The following TMEM254 variants were observed in gnomAD, a reference collection of about 807,000 sequenced individuals.
The protein encoded by TMEM254 is transmembrane protein 254.
In TMEM254, 16 loss-of-function variants were observed where a neutral mutation model predicts 13.9. The observed-to-expected ratio is 1.15, with a 90% CI of 0.78 to 1.75. TMEM254 has a LOEUF of 1.75. Among genes scored for constraint, TMEM254 ranks in the 40% most tolerant of loss-of-function variants. TMEM254 has a pLI of 0.00. For synonymous variants in TMEM254, 61 were observed against 56.4 expected (o/e 1.08, Z -0.36); for missense variants, 155 against 149.0 (o/e 1.04, Z -0.21).
intron 1 of TMEM254, among the ~76,000 whole-genome samples, chr10:80,080,229 C>T (rs1249226191): frequency 6.6e-6 from 1 of 152,154 alleles, no homozygotes; most frequent in Non-Finnish European, 1.5e-5. Flanking sequence ...TGGGAGGATG[C>T]AGTGATATTT....
At chr10:80,082,689 A>T (rs1043761440) in intron 3 of TMEM254, among the ~76,000 whole-genome samples, 1 of 152,232 alleles carries the variant, frequency 6.6e-6, no homozygotes, top group Admixed American at 6.5e-5. Context: ...AAAGCTCCAC[A>T]GATAATTCTA....
At position 80,090,794 on chromosome 10, in the gene TMEM254, TAGGCATAA is replaced by T. The variant is rs779674873; in HGVS notation, c.256_263del (p.Lys86HisfsTer57). 2.7e-5 allele frequency: 43 copies of T among 1,608,960 alleles called. No homozygotes were observed. In the South Asian group the frequency reaches 4.6e-4, roughly 17 times the overall value. On this transcript the variant is annotated splice_acceptor_variant and coding_sequence_variant, in exon 4 of 4. Transcript: ENST00000372281. LOFTEE classifies it high-confidence loss of function. ...TGTTTAAATTTTGTTTTTTCTGTTT[TAGGCATAA>T]AGGCATCACAAGTGGTCGGGCTCAG...
chr10:80,079,117 C>T (rs1843810115), intron 1 of TMEM254: 1 of 1,356,656 alleles, frequency 7.4e-7, no homozygotes, highest in African/African-American at 1.5e-5. Context: ...AATGCGGCTA[C>T]CGCCTATTTC....
intron 3 of TMEM254, among the ~76,000 whole-genome samples, chr10:80,087,934 CAATGT>C (rs143389465): frequency 0.1 from 15,581 of 152,046 alleles, 948 homozygotes; most frequent in South Asian, 0.21. Context: ...AGAAGTTTAT[CAATGT>C]AGTCAGTTTT....
At chr10:80,079,407 C>A in intron 1 of TMEM254, 1 of 1,082,922 alleles carries the variant, frequency 9.2e-7, no homozygotes, top group Non-Finnish European at 1.1e-6. Flanking sequence ...GTTATCCGAG[C>A]CTAAGCCTCT....
chr10:80,083,430 G>A (rs1027212932), intron 3 of TMEM254, among the ~76,000 whole-genome samples: 25 of 152,116 alleles, frequency 1.6e-4, no homozygotes, highest in African/African-American at 5.8e-4. Context: ...CTATGAAGAG[G>A]AGCAGAAAGT....
Position 80,087,285 on chromosome 10 carries a change from G to T in TMEM254, c.252-3512G>T, listed in dbSNP as rs183535462. 9.7e-4 allele frequency among the ~76,000 whole-genome samples: 147 copies of T among 152,156 alleles called. 1 individual carries two copies. The highest frequency in any genetic ancestry group is 3.4e-3 in the African/African-American group (143 of 41,496). ...CAGTGAACATTAATTTCTTGCATTT[G>T]TCCCACTTTGGTATTTGTTCCCTTA... is the stretch of plus-strand genomic sequence containing the variant. On this transcript the variant is annotated intron_variant, in intron 3 of 3. Transcript: ENST00000372281.
rs562573268 is a variant in TMEM254, at chr10:80,083,947, T to C, written c.251+1743T>C. On this transcript the variant is annotated intron_variant, in intron 3 of 3. Coordinates refer to ENST00000372281, the MANE Select transcript of TMEM254 (RefSeq NM_025125.4). The stretch of plus-strand genomic sequence containing the variant: ...CAAAAAATACTAAAAAAGCCAGGCA[T>C]GGTGGTGCGTGCCTGCAGTCCCAGC... 9.6e-4 allele frequency among the ~76,000 whole-genome samples: 146 copies of C among 151,894 alleles called. 1 individual carries two copies. The highest frequency in any genetic ancestry group is 3.4e-3 in the African/African-American group (142 of 41,432).
chr10:80,089,500 G>T (rs1000074625), intron 3 of TMEM254, among the ~76,000 whole-genome samples: 2 of 151,954 alleles, frequency 1.3e-5, no homozygotes, highest in African/African-American at 2.4e-5. Context: ...GCAAGACACT[G>T]TCTCTACAAA....
chr10:80,087,368 T>C (rs1932576), intron 3 of TMEM254, among the ~76,000 whole-genome samples: 97,843 of 151,750 alleles, frequency 0.64, 31,673 homozygotes, highest in South Asian at 0.76. Context: ...TTTGGCTGGG[T>C]GTGGTGGCTC....
Position 80,089,683 on chromosome 10 carries a change from G to GT in TMEM254, c.252-1114_252-1113insT, listed in dbSNP as rs201952824. ...ACAGAGTGAGACCCCATCTCTGGGG[G>GT]GGTTGGAAAAAGAATGGATGTTGAA... On this transcript the variant is annotated intron_variant, in intron 3 of 3. Coordinates refer to ENST00000372281, the MANE Select transcript of TMEM254 (RefSeq NM_025125.4). 7.6e-3 allele frequency among the ~76,000 whole-genome samples: 1,154 copies of GT among 151,578 alleles called. 15 individuals carry two copies. Among genetic ancestry groups the GT allele is most frequent in the African/African-American group, 0.026 (1,092 of 41,332 alleles).
At chr10:80,087,398 T>A in intron 3 of TMEM254, among the ~76,000 whole-genome samples, 1 of 151,992 alleles carries the variant, frequency 6.6e-6, no homozygotes, top group East Asian at 1.9e-4. Flanking sequence ...ATTCCAGCAC[T>A]TTGAGAGGCT....
chr10:80,078,690 T>G lies in TMEM254; in HGVS notation c.-10T>G. On this transcript the variant is annotated 5_prime_UTR_variant, in exon 1 of 4. Coordinates refer to ENST00000372281, the MANE Select transcript of TMEM254 (RefSeq NM_025125.4). ...GTCCTGAAGCGCGCTCCCGGGGAGG[T>G]GTTGCAGCCATGGCTACGGCAGCCG... The G allele has an allele frequency of 2.5e-6, 4 of 1,590,396 alleles. No individual in the cohort carries two copies. Among genetic ancestry groups the G allele is most frequent in the African/African-American group, 1.3e-5 (1 of 74,094 alleles).
intron 3 of TMEM254, chr10:80,086,258 G>T: frequency 6.8e-7 from 1 of 1,474,094 alleles, no homozygotes; most frequent in Non-Finnish European, 9.0e-7. Context: ...TACGGATAAA[G>T]GTATGTGAAT....
Position 80,091,475 on chromosome 10 carries a change from G to A in TMEM254, c.*558G>A, listed in dbSNP as rs1206456659. 1.3e-5 allele frequency: 2 copies of A among 152,380 alleles called. No individual in the cohort carries two copies. The highest frequency in any genetic ancestry group is 4.8e-5 in the African/African-American group (2 of 41,444). The allele number at this position is 152,380 out of a possible 1,614,324, so 9.4% of individuals were successfully genotyped here. A position where few individuals can be genotyped will look rare whatever the true frequency, so the allele number is the denominator to read the frequency against. On this transcript the variant is annotated 3_prime_UTR_variant, in exon 4 of 4. Transcript: ENST00000372281. Reference sequence around the variant, plus strand: ...AGAAAGATAAGGAAGATGAGCAAGTGCCTGGAATGGGGCAGGCTGAGCAGT... The same window carrying A: ...AGAAAGATAAGGAAGATGAGCAAGTACCTGGAATGGGGCAGGCTGAGCAGT...
chr10:80,078,904 CCG>C, intron 1 of TMEM254, 118 bp downstream of exon 1: 1 of 1,525,502 alleles, frequency 6.6e-7, no homozygotes, highest in South Asian at 1.2e-5. Flanking sequence ...ATCCCGACTC[CCG>C]CGCGCTAGGA....
At chr10:80,083,723 C>T (rs1231848257) in intron 3 of TMEM254, among the ~76,000 whole-genome samples, 2 of 152,066 alleles carry the variant, frequency 1.3e-5, no homozygotes, top group Admixed American at 6.6e-5. Flanking sequence ...CACTAATAAT[C>T]GCTGCTTGTG....
At chr10:80,084,206 T>C (rs1374652419) in intron 3 of TMEM254, among the ~76,000 whole-genome samples, 5 of 152,192 alleles carry the variant, frequency 3.3e-5, no homozygotes, top group Admixed American at 2.0e-4. Flanking sequence ...TGTGGTAGAT[T>C]TTTGAGACAC....
intron 3 of TMEM254, among the ~76,000 whole-genome samples, chr10:80,088,734 C>T (rs1217368693): frequency 6.8e-6 from 1 of 147,172 alleles, no homozygotes; most frequent in Non-Finnish European, 1.5e-5. Flanking sequence ...TGCCACTGCA[C>T]TCCAGCCTGG....
Sources: gnomAD v4.1 joint callset for allele counts (sites outside exome capture counted in the v4.1 genomes callset) on GRCh38, gnomAD v4.1.1 for gene constraint, MANE v1.5 for transcripts, NCBI Gene and HGNC (gene_info 2026-07-23, HGNC 2026-07-21) for gene names.